EVL: variants seen among roughly 807,000 people sequenced by gnomAD.
The protein encoded by EVL is ena/VASP-like protein.
EVL carries 21 observed loss-of-function variants against 59.6 expected under a neutral mutation model. The observed-to-expected ratio is 0.35, with a 90% CI of 0.25 to 0.51. The LOEUF is 0.51. Ranked by LOEUF, EVL falls within the 20% of genes least tolerant of loss-of-function variation. The pLI is 0.97. For missense variants in EVL, 462 were observed against 546.6 expected (o/e 0.85, Z 1.54); for synonymous variants, 198 against 203.5 (o/e 0.97, Z 0.23).
chr14:100,141,073 T>G, intron 11 of EVL, 107 bp from the exon 12 acceptor site: 1 of 1,062,822 alleles, frequency 9.4e-7, no homozygotes, highest in South Asian at 1.5e-5. Flanking sequence ...GCAGCCTCTA[T>G]GGAGCGAGGG....
chr14:100,042,780 A>G (rs2061486700), intron 1 of EVL, among the ~76,000 whole-genome samples: 1 of 152,216 alleles, frequency 6.6e-6, no homozygotes, highest in Admixed American at 6.5e-5. Flanking sequence ...CTAATCTGCC[A>G]TGTTGAATTC....
intron 1 of EVL, among the ~76,000 whole-genome samples, chr14:100,052,295 G>A (rs538135353): frequency 6.6e-6 from 1 of 152,182 alleles, no homozygotes; most frequent in Non-Finnish European, 1.5e-5. Context: ...TTCTATGTCA[G>A]ACCTTCTTTG....
rs545950578 is a variant in EVL at position 100,039,779 on chromosome 14, C to G, written c.6-44908C>G. ...TGTGTCTGGGTGGTGTGGCTGACCCCATGAGCTGCTTTTTGTTTTTAATAG... is the reference window on the plus strand; with the variant it reads ...TGTGTCTGGGTGGTGTGGCTGACCCGATGAGCTGCTTTTTGTTTTTAATAG... On this transcript the variant is annotated intron_variant, in intron 1 of 13. Transcript: ENST00000402714. Among the ~76,000 whole-genome samples, 336 of 152,146 alleles carry G rather than the reference C, an allele frequency of 2.2e-3. 1 individual carries two copies. Among genetic ancestry groups the G allele is most frequent in the African/African-American group, 7.7e-3 (320 of 41,496 alleles).
intron 1 of EVL, among the ~76,000 whole-genome samples, chr14:100,006,604 GC>G (rs2060983689): frequency 6.6e-6 from 1 of 151,926 alleles, no homozygotes; most frequent in South Asian, 2.1e-4. Context: ...CTTAACTTTA[GC>G]CAAGACGAAC....
chr14:99,982,863 A>G (rs74938015), intron 1 of EVL, among the ~76,000 whole-genome samples: 2,505 of 152,308 alleles, frequency 0.016, 71 homozygotes, highest in African/African-American at 0.056. Flanking sequence ...ATTCTGCCCC[A>G]GAGGTACTAC....
At chr14:100,029,736 C>G (rs1488243988) in intron 1 of EVL, among the ~76,000 whole-genome samples, 7 of 151,936 alleles carry the variant, frequency 4.6e-5, no homozygotes, top group African/African-American at 9.7e-5. Flanking sequence ...AGTAGGTGTG[C>G]GGGAGCTGAG....
intron 1 of EVL, among the ~76,000 whole-genome samples, chr14:100,029,359 A>T (rs1024219170): frequency 1.3e-5 from 2 of 152,134 alleles, no homozygotes; most frequent in South Asian, 2.1e-4. Flanking sequence ...GGAGGTAGGG[A>T]TGTGGGAGGG....
Position 100,084,718 on chromosome 14 carries a change from G to A in EVL, c.43G>A (p.Val15Met), listed in dbSNP as rs771546352. The A allele has an allele frequency of 3.1e-6, 5 of 1,614,160 alleles. No individual in the cohort carries two copies. Among genetic ancestry groups the A allele is most frequent in the Admixed American group, 1.7e-5 (1 of 60,028 alleles). Residue 15 changes from valine (V) to methionine (M), a missense_variant, in exon 2 of 14, where the codon GTG becomes ATG. By Grantham distance (21) the Val-to-Met change is conservative (BLOSUM62 1). Transcript: ENST00000392920. ...GAGTATCTGCCAAGCCCGGGCTTCC[G>A]TGATGGTCTACGATGACACCAGTAA... ...EQSICQARAS[V>M]MVYDDTSKKW...
intron 1 of EVL, among the ~76,000 whole-genome samples, chr14:100,016,347 G>C (rs2061049975): frequency 6.6e-6 from 1 of 152,152 alleles, no homozygotes; most frequent in Non-Finnish European, 1.5e-5. Flanking sequence ...TGGCCAACAT[G>C]GTGAAACCCC....
In EVL at chr14:100,047,114, C is replaced by CTTTTTTTTTTTTTTTTTTTTT. The variant is rs1379774654; in HGVS notation, c.6-37572_6-37571insTTTTTTTTTTTTTTTTTTTTT. ...ATTTTGAGACCTTGGGCAGATCTCT[C>CTTTTTTTTTTTTTTTTTTTTT]TCTCTTTTTTTTTTTTTTTTTTTTT... On this transcript the variant is annotated intron_variant, in intron 1 of 13. Transcript: ENST00000402714. Among the ~76,000 whole-genome samples, 180 of 95,108 alleles carry CTTTTTTTTTTTTTTTTTTTTT rather than the reference C, an allele frequency of 1.9e-3. 45 individuals are homozygous for CTTTTTTTTTTTTTTTTTTTTT. Among genetic ancestry groups the CTTTTTTTTTTTTTTTTTTTTT allele is most frequent in the Middle Eastern group, 6.7e-3 (1 of 150 alleles). 62.4% of individuals were successfully genotyped at this position (95,108 alleles called of 152,430 possible). A position where few individuals can be genotyped will look rare whatever the true frequency, so the allele number is the denominator to read the frequency against.
At chr14:99,991,440 A>C (rs1283311949) in intron 1 of EVL, among the ~76,000 whole-genome samples, 1 of 152,264 alleles carries the variant, frequency 6.6e-6, no homozygotes, top group Non-Finnish European at 1.5e-5. Context: ...CGTCTATTTT[A>C]GAAAAATCAG....
intron 1 of EVL, among the ~76,000 whole-genome samples, chr14:100,050,509 C>T (rs1006045665): frequency 7.9e-5 from 12 of 151,810 alleles, no homozygotes; most frequent in African/African-American, 2.9e-4. Flanking sequence ...GCCATCGCAC[C>T]CAGCTAATTT....
intron 11 of EVL, chr14:100,138,088 T>C: frequency 1.9e-6 from 1 of 536,928 alleles, no homozygotes; most frequent in Non-Finnish European, 3.3e-6. Context: ...TCACTACGTG[T>C]GACAGTGGGC....
In EVL at chr14:100,119,243, T is replaced by A. The variant is rs186753403; in HGVS notation, c.359-4296T>A. Reference sequence around the variant, plus strand: ...TGAATTTCTTCTCATGCTTGTTTCCTATCTCATCCTCTTTATTTTGACTTG... The same window carrying A: ...TGAATTTCTTCTCATGCTTGTTTCCAATCTCATCCTCTTTATTTTGACTTG... On this transcript the variant is annotated intron_variant, in intron 3 of 13. Transcript: ENST00000392920. Among the ~76,000 whole-genome samples the A allele has an allele frequency of 1.0e-3, 156 of 152,386 alleles. 1 individual carries two copies. Among genetic ancestry groups the A allele is most frequent in the African/African-American group, 3.7e-3 (152 of 41,596 alleles).
chr14:100,032,778 A>G (rs1236131992), intron 1 of EVL, among the ~76,000 whole-genome samples: 4 of 152,124 alleles, frequency 2.6e-5, no homozygotes, highest in Non-Finnish European at 4.4e-5. Context: ...GAACTCTCCT[A>G]TAACACTTAA....
At chr14:100,009,022 A>G (rs1394173350) in intron 1 of EVL, among the ~76,000 whole-genome samples, 1 of 152,250 alleles carries the variant, frequency 6.6e-6, no homozygotes, top group Non-Finnish European at 1.5e-5. Flanking sequence ...TTTTTGAGGA[A>G]ACAAAACACG....
At chr14:99,982,679 G>A (rs2060815264) in intron 1 of EVL, among the ~76,000 whole-genome samples, 1 of 152,196 alleles carries the variant, frequency 6.6e-6, no homozygotes, top group South Asian at 2.1e-4. Context: ...CGATTCATAC[G>A]AAGATGCATT....
In EVL at chr14:100,037,063, C is replaced by T. The variant is rs182400578; in HGVS notation, c.6-47624C>T. Among the ~76,000 whole-genome samples, 144 of 152,332 alleles carry T rather than the reference C, an allele frequency of 9.5e-4. 1 individual carries two copies. Among genetic ancestry groups the T allele is most frequent in the African/African-American group, 3.4e-3 (142 of 41,584 alleles). ...AGAAGGCAAACCTGCCAACACCTTC[C>T]TCTTGGGCTTCCAAAACTGTGAGAA... On this transcript the variant is annotated intron_variant, in intron 1 of 13. Coordinates refer to the EVL transcript ENST00000402714.
At chr14:100,097,852 T>G (rs1178975758) in intron 3 of EVL, 194 bp downstream of exon 3, 1 of 503,714 alleles carries the variant, frequency 2.0e-6, no homozygotes, top group East Asian at 3.3e-5. Context: ...AGAATGGAGT[T>G]TGTATCTCTT....
Sources: allele counts gnomAD v4.1 joint callset (sites outside exome capture counted in the v4.1 genomes callset), GRCh38; gene constraint gnomAD v4.1.1; transcripts MANE v1.5; gene names NCBI Gene and HGNC (gene_info 2026-07-23, HGNC 2026-07-21).